TLN2: variants seen among roughly 807,000 people sequenced by gnomAD.
The protein encoded by TLN2 is talin-2.
In TLN2, 118 loss-of-function variants were observed where a neutral mutation model predicts 294.7. The ratio of observed to expected loss-of-function variants is 0.40; its 90% confidence interval spans 0.34 to 0.47. The LOEUF is 0.47. TLN2 is among the 20% of genes least tolerant of loss of function. The pLI, the probability that TLN2 is intolerant of heterozygous loss-of-function variation, is 0.84. For synonymous variants in TLN2, 1,431 were observed against 1,304.5 expected (o/e 1.10, Z -2.09); for missense variants, 3,083 against 3,282.2 (o/e 0.94, Z 1.48).
At chr15:62,607,175 G>A (rs1269223436) in intron 2 of TLN2, among the ~76,000 whole-genome samples, 6 of 152,056 alleles carry the variant, frequency 3.9e-5, no homozygotes, top group African/African-American at 1.4e-4. Flanking sequence ...AGCACCCTTG[G>A]CTTCCTATTA....
intron 1 of TLN2, among the ~76,000 whole-genome samples, chr15:62,393,589 G>A (rs1157828492): frequency 6.6e-6 from 1 of 152,084 alleles, no homozygotes; most frequent in African/African-American, 2.4e-5. Context: ...GGTGGTGAAT[G>A]ATATAAATTT....
chr15:62,710,855 A>T (rs867163159), intron 21 of TLN2, among the ~76,000 whole-genome samples: 51 of 149,528 alleles, frequency 3.4e-4, no homozygotes, highest in African/African-American at 1.1e-3. Flanking sequence ...CCTCCTGAGT[A>T]GCTGGCACTA....
intron 2 of TLN2, among the ~76,000 whole-genome samples, chr15:62,601,516 A>G (rs2047004389): frequency 6.6e-6 from 1 of 152,270 alleles, no homozygotes; most frequent in East Asian, 1.9e-4. Flanking sequence ...TGGCAAGAAT[A>G]CACGTAGGCA....
At chr15:62,835,644 C>T in intron 55 of TLN2, 93 bp from the exon 56 acceptor site, 1 of 1,422,730 alleles carries the variant, frequency 7.0e-7, no homozygotes, top group Non-Finnish European at 9.9e-7. Context: ...AAGCGGGGTA[C>T]AAGTCTGGTT....
rs2070841666 is a variant in TLN2 at position 62,842,795 on chromosome 15, C to T, written c.*2185C>T. The T allele has an allele frequency of 1.3e-5, 2 of 152,296 alleles. No individual in the cohort carries two copies. Among genetic ancestry groups the T allele is most frequent in the South Asian group, 4.1e-4 (2 of 4,826 alleles). 9.4% of individuals were successfully genotyped at this position (152,296 alleles called of 1,614,324 possible). A position where few individuals can be genotyped will look rare whatever the true frequency, so the allele number is the denominator to read the frequency against. On this transcript the variant is annotated 3_prime_UTR_variant, in exon 59 of 59. Coordinates refer to ENST00000636159, the MANE Select transcript of TLN2 (RefSeq NM_015059.3). ...TATTTTTGTAGGAGCTATATAAATACTCACCTTTCTGGAGTCGTCCAGTGC... is the reference window on the plus strand; with the variant it reads ...TATTTTTGTAGGAGCTATATAAATATTCACCTTTCTGGAGTCGTCCAGTGC...
At chr15:62,627,999 A>G (rs551925097) in intron 3 of TLN2, among the ~76,000 whole-genome samples, 31 of 152,228 alleles carry the variant, frequency 2.0e-4, no homozygotes, top group Non-Finnish European at 4.0e-4. Context: ...AAAGGGCAAA[A>G]TCACACAGGA....
chr15:62,641,813 G>T (rs1186426916), intron 3 of TLN2, among the ~76,000 whole-genome samples: 1 of 152,120 alleles, frequency 6.6e-6, no homozygotes. Flanking sequence ...AAGGCAGGTG[G>T]GGTCAGGGCA....
At chr15:62,550,434 T>G (rs1476291785) in intron 1 of TLN2, among the ~76,000 whole-genome samples, 2 of 152,180 alleles carry the variant, frequency 1.3e-5, no homozygotes, top group Non-Finnish European at 2.9e-5. Context: ...CTTTGTTATA[T>G]TAGCTCAGTG....
chr15:62,555,229 C>G (rs986919450), intron 1 of TLN2, among the ~76,000 whole-genome samples: 1 of 152,040 alleles, frequency 6.6e-6, no homozygotes, highest in Non-Finnish European at 1.5e-5. Flanking sequence ...GTCCATGTTC[C>G]TTTCTTAATT....
intron 14 of TLN2, 50 bp downstream of exon 14, chr15:62,694,442 G>A: frequency 6.5e-7 from 1 of 1,540,754 alleles, no homozygotes; most frequent in Non-Finnish European, 9.0e-7. Context: ...TAGATAGGTA[G>A]GTTTCCTCTT....
chr15:62,707,142 A>G lies in TLN2; in HGVS notation c.2061A>G (p.Leu687=). ...CCAATGCAGCTGCCATGTTGGTACT[A>G]AAGGCAAAGAATGTTGCCCAAGTGG... The part of the protein sequence containing the change: ...AVANAAAMLV[L]KAKNVAQVAE... The change falls in exon 20 of 59, where the codon CTA becomes CTG. Residue 687 remains leucine (L), a synonymous_variant. Transcript: ENST00000636159. 2 of 1,614,206 alleles carry G rather than the reference A, an allele frequency of 1.2e-6. No homozygotes were observed. The highest frequency in any genetic ancestry group is 2.2e-5 in the East Asian group (1 of 44,884).
At chr15:62,405,676 C>G (rs1485811498) in intron 1 of TLN2, among the ~76,000 whole-genome samples, 1 of 152,116 alleles carries the variant, frequency 6.6e-6, no homozygotes, top group Non-Finnish European at 1.5e-5. Flanking sequence ...CTGAGACTGG[C>G]TCTGGGGTGG....
intron 25 of TLN2, among the ~76,000 whole-genome samples, chr15:62,721,188 A>G (rs2060125947): frequency 6.6e-6 from 1 of 152,216 alleles, no homozygotes; most frequent in Admixed American, 6.5e-5. Flanking sequence ...TAGAAATTGA[A>G]TTGACAGATC....
At chr15:62,831,456 T>C (rs1022937209) in intron 54 of TLN2, 2 of 151,856 alleles carry the variant, frequency 1.3e-5, no homozygotes. Flanking sequence ...AATCTCACGG[T>C]TATTAAAATA....
At chr15:62,521,779 A>C (rs1374101044) in intron 1 of TLN2, among the ~76,000 whole-genome samples, 1 of 152,174 alleles carries the variant, frequency 6.6e-6, no homozygotes, top group Non-Finnish European at 1.5e-5. Flanking sequence ...CATTTTCCGC[A>C]TGCAAATTTC....
intron 44 of TLN2, among the ~76,000 whole-genome samples, chr15:62,782,873 G>T (rs1274978312): frequency 6.6e-6 from 1 of 152,196 alleles, no homozygotes; most frequent in Non-Finnish European, 1.5e-5. Flanking sequence ...AGACAGTATT[G>T]TTATCCAGAG....
At chr15:62,797,940 C>T (rs560196317) in intron 48 of TLN2, among the ~76,000 whole-genome samples, 2 of 152,212 alleles carry the variant, frequency 1.3e-5, no homozygotes, top group East Asian at 3.9e-4. Context: ...AGGAATCCAG[C>T]ATTTAGGACC....
At chr15:62,396,494 C>A (rs2032560998) in intron 1 of TLN2, among the ~76,000 whole-genome samples, 1 of 151,852 alleles carries the variant, frequency 6.6e-6, no homozygotes, top group African/African-American at 2.4e-5. Flanking sequence ...TAGAGTATAC[C>A]TTCAGTGTAA....
At chr15:62,694,285 A>G (rs1389372591) in intron 13 of TLN2, 31 bp from the exon 14 acceptor site, 2 of 1,612,630 alleles carry the variant, frequency 1.2e-6, no homozygotes. Flanking sequence ...CCTGGTTTTC[A>G]TTTTTGCATC....
Sources: allele counts gnomAD v4.1 joint callset (sites outside exome capture counted in the v4.1 genomes callset), GRCh38; gene constraint gnomAD v4.1.1; transcripts MANE v1.5; gene names NCBI Gene and HGNC (gene_info 2026-07-23, HGNC 2026-07-21).